CACNA2D1: variants seen among roughly 807,000 people sequenced by gnomAD.
The protein encoded by CACNA2D1 is calcium voltage-gated channel auxiliary subunit alpha2delta 1, also known as voltage-dependent calcium channel subunit alpha-2/delta-1.
A neutral mutation model predicts 171.5 loss-of-function variants in CACNA2D1; 53 were observed. The observed-to-expected ratio is 0.31, with a 90% CI of 0.25 to 0.39. CACNA2D1 has a LOEUF of 0.39. Among genes scored for constraint, CACNA2D1 ranks in the 10% least tolerant of loss-of-function variants. The pLI, the probability that CACNA2D1 is intolerant of heterozygous loss-of-function variation, is 1.00. For synonymous variants in CACNA2D1, 442 were observed against 443.1 expected (o/e 1.00, Z 0.03); for missense variants, 903 against 1,299.8 (o/e 0.69, Z 4.69).
chr7:82,095,184 T>G (rs1239125889), intron 6 of CACNA2D1, among the ~76,000 whole-genome samples: 1 of 152,060 alleles, frequency 6.6e-6, no homozygotes, highest in Non-Finnish European at 1.5e-5. Context: ...GGACTGAGTT[T>G]TTTCCTATGC....
chr7:81,971,991 C>G, intron 25 of CACNA2D1, 127 bp from the exon 26 acceptor site: 1 of 653,760 alleles, frequency 1.5e-6, no homozygotes, highest in Non-Finnish European at 2.7e-6. Flanking sequence ...ATATATTCCA[C>G]ATTCATTTTC....
At chr7:82,184,074 G>C (rs964884659) in intron 3 of CACNA2D1, among the ~76,000 whole-genome samples, 1 of 149,536 alleles carries the variant, frequency 6.7e-6, no homozygotes, top group Non-Finnish European at 1.5e-5. Flanking sequence ...TCAGTGAGTA[G>C]GATGGTTTTA....
intron 3 of CACNA2D1, among the ~76,000 whole-genome samples, chr7:82,232,895 C>CTTGCTTGAG (rs890766401): frequency 1.7e-5 from 2 of 120,686 alleles, no homozygotes; most frequent in Admixed American, 1.7e-4. Context: ...AAAAAAAAGA[C>CTTGCTTGAG]TTGCTTGAGG....
chr7:82,293,564 T>C (rs969436061), intron 3 of CACNA2D1, among the ~76,000 whole-genome samples: 1 of 152,192 alleles, frequency 6.6e-6, no homozygotes, highest in African/African-American at 2.4e-5. Context: ...AACTCCTTTC[T>C]AATTCTAGGA....
intron 5 of CACNA2D1, among the ~76,000 whole-genome samples, chr7:82,120,420 A>G (rs963629860): frequency 1.3e-4 from 20 of 152,330 alleles, no homozygotes; most frequent in Middle Eastern, 3.4e-3. Context: ...ACTATCCTCA[A>G]TATCAATTTT....
At chr7:82,117,393 C>G (rs1470906321) in intron 5 of CACNA2D1, among the ~76,000 whole-genome samples, 2 of 152,200 alleles carry the variant, frequency 1.3e-5, no homozygotes, top group Non-Finnish European at 2.9e-5. Context: ...ACTAACCACT[C>G]TCCTGATTTC....
At chr7:82,346,995 T>C (rs1006973031) in intron 2 of CACNA2D1, among the ~76,000 whole-genome samples, 3 of 152,224 alleles carry the variant, frequency 2.0e-5, no homozygotes, top group Non-Finnish European at 4.4e-5. Flanking sequence ...ATCTTGTGGA[T>C]GAGCATATAC....
chr7:82,063,824 T>A (rs1008632246), intron 9 of CACNA2D1, among the ~76,000 whole-genome samples: 4 of 152,004 alleles, frequency 2.6e-5, no homozygotes, highest in South Asian at 2.1e-4. Flanking sequence ...AAGGAATTAT[T>A]TTTTGTATAT....
intron 1 of CACNA2D1, among the ~76,000 whole-genome samples, chr7:82,372,498 G>C (rs1458145657): frequency 2.0e-5 from 3 of 150,140 alleles, no homozygotes; most frequent in Non-Finnish European, 4.5e-5. Flanking sequence ...AGATATGAAG[G>C]AATTCGTTCT....
chr7:81,978,704 C>T (rs1277689774), intron 24 of CACNA2D1, among the ~76,000 whole-genome samples: 1 of 149,750 alleles, frequency 6.7e-6, no homozygotes. Context: ...CAAACCTGTA[C>T]GTCATGCACA....
At chr7:82,272,089 G>C (rs1247451471) in intron 3 of CACNA2D1, among the ~76,000 whole-genome samples, 1 of 152,114 alleles carries the variant, frequency 6.6e-6, no homozygotes, top group Non-Finnish European at 1.5e-5. Flanking sequence ...ATTTATGAGA[G>C]AAAACTTCTG....
intron 6 of CACNA2D1, among the ~76,000 whole-genome samples, chr7:82,088,289 A>T (rs1448268195): frequency 1.3e-5 from 2 of 152,178 alleles, no homozygotes; most frequent in Admixed American, 1.3e-4. Flanking sequence ...CTTAAAAAAT[A>T]AAAGGTACAA....
intron 3 of CACNA2D1, among the ~76,000 whole-genome samples, chr7:82,265,103 T>C (rs1194449327): frequency 1.3e-5 from 2 of 152,220 alleles, no homozygotes. Context: ...GCTGGCTGAA[T>C]AGATTTAGGA....
chr7:82,305,979 G>A (rs2129429469), intron 3 of CACNA2D1, among the ~76,000 whole-genome samples: 1 of 152,102 alleles, frequency 6.6e-6, no homozygotes, highest in East Asian at 1.9e-4. Context: ...GACAGTTACT[G>A]TTTTTCCTTT....
In CACNA2D1 at chr7:82,038,116, A is replaced by G; in HGVS notation, c.999T>C (p.Tyr333=). The change falls in exon 11 of 39, where the codon TAT becomes TAC. Residue 333 remains tyrosine (Y), a synonymous_variant. Transcript: ENST00000356860. ...CAAAAGCAAAACTAAAGCCCTTCTT[A>G]TAATCTGTAATTCCTTTGGCTGTGA... ...NNITAKGITD[Y]KKGFSFAFEQ... 1.2e-6 allele frequency: 2 copies of G among 1,613,796 alleles called. No individual in the cohort carries two copies. Among genetic ancestry groups the G allele is most frequent in the South Asian group, 1.1e-5 (1 of 91,088 alleles).
intron 3 of CACNA2D1, among the ~76,000 whole-genome samples, chr7:82,219,018 T>C (rs1801473057): frequency 6.6e-6 from 1 of 152,142 alleles, no homozygotes; most frequent in South Asian, 2.1e-4. Flanking sequence ...CTATATTCTG[T>C]GATGCAAGTA....
chr7:82,307,062 T>G (rs1563342637), intron 3 of CACNA2D1, among the ~76,000 whole-genome samples: 2 of 152,164 alleles, frequency 1.3e-5, no homozygotes, highest in South Asian at 4.1e-4. Context: ...CTCCCACAGC[T>G]GCAGCCAAGG....
At chr7:82,109,670 A>C (rs1169490202) in intron 6 of CACNA2D1, among the ~76,000 whole-genome samples, 4 of 152,328 alleles carry the variant, frequency 2.6e-5, no homozygotes, top group African/African-American at 9.6e-5. Flanking sequence ...TTTAGATTGG[A>C]GGAACATGGT....
In CACNA2D1 at chr7:82,084,927, T is replaced by G. The variant is rs202124264; in HGVS notation, c.527-27A>C. On this transcript the variant is annotated intron_variant, in intron 6 of 38. Coordinates refer to ENST00000356860, the MANE Select transcript of CACNA2D1 (RefSeq NM_000722.4). The stretch of plus-strand genomic sequence containing the variant: ...TAACAAAAAAGAGAGAAACCATTAA[T>G]TAATTCAAATTTGTAATTAAAAACT... 5.7e-6 allele frequency: 9 copies of G among 1,575,606 alleles called. No homozygotes were observed. In the East Asian group the frequency reaches 2.0e-4, roughly 35 times the overall value.
Sources: allele counts gnomAD v4.1 joint callset (sites outside exome capture counted in the v4.1 genomes callset), GRCh38; gene constraint gnomAD v4.1.1; transcripts MANE v1.5; gene names NCBI Gene and HGNC (gene_info 2026-07-23, HGNC 2026-07-21).